The following ZBTB40 variants were observed in gnomAD, a reference collection of about 807,000 sequenced individuals.
ZBTB40 encodes the protein zinc finger and BTB domain-containing protein 40.
A neutral mutation model predicts 117.5 loss-of-function variants in ZBTB40; 60 were observed. That is an observed-to-expected ratio of 0.51 (90% CI 0.41 to 0.63). The LOEUF (loss-of-function observed/expected upper bound fraction) is 0.63. ZBTB40 is among the 30% of genes least tolerant of loss of function. The probability of loss-of-function intolerance (pLI) is 0.00; values close to 1 mark genes in which losing one functional copy is unlikely to be tolerated. For synonymous variants in ZBTB40, 525 were observed against 577.1 expected (o/e 0.91, Z 1.29); for missense variants, 1,287 against 1,498.5 (o/e 0.86, Z 2.33).
At chr1:22,476,449 G>T (rs1171825975) in intron 1 of ZBTB40, among the ~76,000 whole-genome samples, 2 of 152,130 alleles carry the variant, frequency 1.3e-5, no homozygotes, top group Non-Finnish European at 2.9e-5. Flanking sequence ...TAAACTCCTG[G>T]GTTCAAGTGA....
At chr1:22,510,071 T>C (rs1397939201) in intron 9 of ZBTB40, among the ~76,000 whole-genome samples, 1 of 152,182 alleles carries the variant, frequency 6.6e-6, no homozygotes, top group African/African-American at 2.4e-5. Flanking sequence ...TCTGTAAGCC[T>C]TCACACAATG....
At chr1:22,488,807 G>A (rs1419012099) in intron 1 of ZBTB40, among the ~76,000 whole-genome samples, 1 of 152,170 alleles carries the variant, frequency 6.6e-6, no homozygotes, top group African/African-American at 2.4e-5. Context: ...GATGAGGTAG[G>A]GGTAGCAGTA....
In ZBTB40 at chr1:22,524,371, A is replaced by T. The variant is rs1235518034; in HGVS notation, c.3452A>T (p.Asp1151Val). ...GELFTSQAQLDSHLESEHPKV... is the reference protein window; with the variant it reads ...GELFTSQAQLVSHLESEHPKV... The stretch of plus-strand genomic sequence containing the variant: ...CTCTTCACCTCCCAGGCCCAGCTTG[A>T]CAGTCACCTGGAATCTGAGCACCCA... The change falls in exon 17 of 18, where the codon GAC (aspartate) becomes GTC (valine). Residue 1151 changes from aspartate to valine, a missense_variant. Asp to Val is a radical substitution (Grantham distance 152). This residue lies in a region of ZBTB40 where 417 missense variants were observed against 564.1 expected (regional missense o/e 0.74). Coordinates refer to ENST00000375647, the MANE Select transcript of ZBTB40 (RefSeq NM_014870.4). 6.2e-7 allele frequency: 1 copy of T among 1,614,054 alleles called. No individual in the cohort carries two copies. Among genetic ancestry groups the T allele is most frequent in the Non-Finnish European group, 8.5e-7 (1 of 1,180,050 alleles).
chr1:22,437,956 C>A (rs1378786824), intron 1 of ZBTB40, among the ~76,000 whole-genome samples: 1 of 151,912 alleles, frequency 6.6e-6, no homozygotes, highest in African/African-American at 2.4e-5. Context: ...CATGGAGAAA[C>A]CCTGTCTCTA....
chr1:22,526,370 A>C lies in ZBTB40; in HGVS notation c.3694A>C (p.Thr1232Pro). The change falls in exon 18 of 18, where the codon ACG (threonine) becomes CCG (proline). Residue 1232 changes from threonine to proline, a missense_variant. Coordinates refer to ENST00000375647, the MANE Select transcript of ZBTB40 (RefSeq NM_014870.4). ...TVEDLLDGTV[T>P]LICGEAK ...GGAGGACTTGCTGGATGGCACAGTGACGCTGATCTGTGGTGAGGCCAAATG... is the reference window on the plus strand; with the variant it reads ...GGAGGACTTGCTGGATGGCACAGTGCCGCTGATCTGTGGTGAGGCCAAATG... The C allele has an allele frequency of 6.2e-7, 1 of 1,614,180 alleles. No homozygotes were observed. The highest frequency in any genetic ancestry group is 2.2e-5 in the East Asian group (1 of 44,870).
intron 1 of ZBTB40, among the ~76,000 whole-genome samples, chr1:22,461,731 A>G (rs10493015): frequency 0.29 from 43,834 of 152,056 alleles, 7,724 homozygotes; most frequent in East Asian, 0.46. Context: ...CTTAACTACA[A>G]AAGTGTGAGG....
chr1:22,488,103 T>G (rs889368484), intron 1 of ZBTB40, among the ~76,000 whole-genome samples: 1 of 152,162 alleles, frequency 6.6e-6, no homozygotes, highest in Non-Finnish European at 1.5e-5. Flanking sequence ...CCTCAAAGCT[T>G]TACTCTAACT....
At chr1:22,493,367 T>TA (rs1349915946) in intron 3 of ZBTB40, among the ~76,000 whole-genome samples, 10 of 152,224 alleles carry the variant, frequency 6.6e-5, no homozygotes, top group Non-Finnish European at 1.2e-4. Flanking sequence ...AGGGAACAGA[T>TA]ACTTTAAGAA....
intron 1 of ZBTB40, among the ~76,000 whole-genome samples, chr1:22,433,624 C>T (rs1640630556): frequency 6.9e-6 from 1 of 144,168 alleles, no homozygotes; most frequent in Non-Finnish European, 1.5e-5. Flanking sequence ...TTTTGATATA[C>T]GGGGGTGGAG....
At chr1:22,506,841 A>C (rs530102146) in intron 6 of ZBTB40, among the ~76,000 whole-genome samples, 1 of 152,336 alleles carries the variant, frequency 6.6e-6, no homozygotes, top group Non-Finnish European at 1.5e-5. Context: ...GACAATTCCA[A>C]ATATAAGGAA....
At chr1:22,512,553 C>T (rs1304422926) in intron 11 of ZBTB40, among the ~76,000 whole-genome samples, 1 of 152,140 alleles carries the variant, frequency 6.6e-6, no homozygotes. Flanking sequence ...ATGGGATGTA[C>T]AGTCAGAATG....
intron 17 of ZBTB40, among the ~76,000 whole-genome samples, chr1:22,525,570 C>T (rs993309289): frequency 6.6e-6 from 1 of 152,218 alleles, no homozygotes; most frequent in Non-Finnish European, 1.5e-5. Flanking sequence ...CATTCTCTCT[C>T]AGTTGGAAAG....
At chr1:22,504,157 T>A (rs185341183) in intron 5 of ZBTB40, among the ~76,000 whole-genome samples, 1 of 152,162 alleles carries the variant, frequency 6.6e-6, no homozygotes, top group East Asian at 1.9e-4. Flanking sequence ...AGTGGAGAGG[T>A]GAATGTTGAT....
chr1:22,431,384 GTA>G (rs59021263), intron 1 of ZBTB40, among the ~76,000 whole-genome samples: 75,305 of 119,798 alleles, frequency 0.63, 25,625 homozygotes, highest in South Asian at 0.75. Flanking sequence ...GTGTGTGTGT[GTA>G]TATATATATA....
chr1:22,506,672 G>C (rs926607124), intron 6 of ZBTB40, among the ~76,000 whole-genome samples: 23 of 152,254 alleles, frequency 1.5e-4, no homozygotes, highest in African/African-American at 5.3e-4. Flanking sequence ...TCTGGTGTCC[G>C]TTCAGCTTGG....
chr1:22,508,712 C>G lies in ZBTB40; in HGVS notation c.1680C>G (p.Ala560=). 1 of 1,613,800 alleles carries G rather than the reference C, an allele frequency of 6.2e-7. No homozygotes were observed. The highest frequency in any genetic ancestry group is 8.5e-7 in the Non-Finnish European group (1 of 1,180,012). ...LMEEIRREPG[A]DAFFRAVTTP... ...AGGAAATACGAAGGGAGCCTGGTGC[C>G]GATGCTTTCTTCCGGGCAGGTAAGT... Residue 560 remains alanine (A), a synonymous_variant, in exon 8 of 18, where the codon GCC becomes GCG. Coordinates refer to ENST00000375647, the MANE Select transcript of ZBTB40 (RefSeq NM_014870.4).
intron 1 of ZBTB40, among the ~76,000 whole-genome samples, chr1:22,473,933 C>G (rs575474285): frequency 3.3e-5 from 5 of 152,222 alleles, no homozygotes; most frequent in Admixed American, 1.3e-4. Flanking sequence ...CATCTCGGAG[C>G]CTTAGTCCTC....
intron 1 of ZBTB40, among the ~76,000 whole-genome samples, chr1:22,457,147 A>G (rs972200488): frequency 1.3e-5 from 2 of 151,928 alleles, no homozygotes; most frequent in East Asian, 3.9e-4. Flanking sequence ...AAAGGAAAGA[A>G]GAAGAGGGGA....
chr1:22,452,508 T>C (rs892015738), intron 1 of ZBTB40, among the ~76,000 whole-genome samples: 1 of 152,136 alleles, frequency 6.6e-6, no homozygotes, highest in South Asian at 2.1e-4. Flanking sequence ...ATAAATGAAG[T>C]TTTATTGGAA....
Sources: allele counts gnomAD v4.1 joint callset (sites outside exome capture counted in the v4.1 genomes callset), GRCh38; gene constraint gnomAD v4.1.1; regional missense constraint gnomAD v4.1.1; transcripts MANE v1.5; gene names NCBI Gene and HGNC (gene_info 2026-07-23, HGNC 2026-07-21).